CSMD1: variants seen among roughly 807,000 people sequenced by gnomAD.
CSMD1 encodes CUB and sushi domain-containing protein 1.
CSMD1 carries 213 observed loss-of-function variants against 417.5 expected under a neutral mutation model. That is an observed-to-expected ratio of 0.51 (90% CI 0.46 to 0.57). CSMD1 has a LOEUF of 0.57. CSMD1 is among the 20% of genes least tolerant of loss of function. The pLI is 0.00. For missense variants in CSMD1, 6,923 were observed against 4,529.7 expected (o/e 1.53, Z -15.17); for synonymous variants, 2,862 against 1,736.8 (o/e 1.65, Z -16.11).
intron 3 of CSMD1, among the ~76,000 whole-genome samples, chr8:4,086,476 G>A (rs1047354562): frequency 3.9e-5 from 6 of 152,138 alleles, no homozygotes; most frequent in African/African-American, 1.4e-4. Flanking sequence ...AATTCGTTCT[G>A]ACTGTACATT....
chr8:4,109,039 T>G (rs910110501), intron 3 of CSMD1, among the ~76,000 whole-genome samples: 1 of 152,212 alleles, frequency 6.6e-6, no homozygotes, highest in Non-Finnish European at 1.5e-5. Flanking sequence ...CTACAGATGC[T>G]CAAGTCCGTC....
intron 1 of CSMD1, among the ~76,000 whole-genome samples, chr8:4,930,475 A>C (rs770863899): frequency 6.6e-6 from 1 of 152,160 alleles, no homozygotes; most frequent in Non-Finnish European, 1.5e-5. Context: ...TAGTTTACTC[A>C]GCACAGCTGT....
At chr8:4,768,675 G>C (rs1796446643) in intron 1 of CSMD1, among the ~76,000 whole-genome samples, 1 of 152,290 alleles carries the variant, frequency 6.6e-6, no homozygotes, top group Non-Finnish European at 1.5e-5. Flanking sequence ...GGGAGGGAAA[G>C]GTGTTGGCGT....
intron 1 of CSMD1, among the ~76,000 whole-genome samples, chr8:4,978,123 A>T (rs1193864701): frequency 6.6e-6 from 1 of 152,188 alleles, no homozygotes; most frequent in Admixed American, 6.5e-5. Flanking sequence ...CCTATTCCAA[A>T]GGTCTCAGTC....
chr8:4,703,777 G>T (rs1326841601), intron 1 of CSMD1, among the ~76,000 whole-genome samples: 2 of 152,050 alleles, frequency 1.3e-5, no homozygotes, highest in Non-Finnish European at 2.9e-5. Flanking sequence ...AAAAGCATTG[G>T]GATACGAAGA....
At chr8:4,951,542 A>G (rs1307830658) in intron 1 of CSMD1, among the ~76,000 whole-genome samples, 1 of 150,618 alleles carries the variant, frequency 6.6e-6, no homozygotes, top group East Asian at 2.0e-4. Flanking sequence ...AAAAGAAAAG[A>G]AAAGAAAAAA....
chr8:3,872,345 G>A (rs796374757), intron 5 of CSMD1, among the ~76,000 whole-genome samples: 26 of 152,264 alleles, frequency 1.7e-4, no homozygotes, highest in African/African-American at 6.0e-4. Flanking sequence ...CCCCGGCAAA[G>A]TGCCAGGTGC....
At chr8:3,078,887 T>C (rs115673151) in intron 49 of CSMD1, among the ~76,000 whole-genome samples, 4,645 of 152,168 alleles carry the variant, frequency 0.031, 92 homozygotes, top group African/African-American at 0.06. Flanking sequence ...TGCATGCGAG[T>C]TCCTTTTTTG....
chr8:3,112,630 G>C (rs147974552), intron 42 of CSMD1, among the ~76,000 whole-genome samples: 29 of 152,302 alleles, frequency 1.9e-4, no homozygotes, highest in Non-Finnish European at 3.4e-4. Context: ...TTATGTACCA[G>C]TAAGGGTGCC....
intron 29 of CSMD1, among the ~76,000 whole-genome samples, chr8:3,216,069 A>T (rs1033011457): frequency 1.5e-4 from 23 of 149,280 alleles, no homozygotes; most frequent in Admixed American, 5.4e-4. Flanking sequence ...TATATATATA[A>T]GTTTTCTCAT....
At chr8:3,016,545 C>G (rs1808850689) in intron 52 of CSMD1, among the ~76,000 whole-genome samples, 1 of 152,290 alleles carries the variant, frequency 6.6e-6, no homozygotes, top group African/African-American at 2.4e-5. Context: ...GCTGCAAAAA[C>G]TATATTTATT....
At chr8:4,471,079 T>C (rs890398176) in intron 2 of CSMD1, among the ~76,000 whole-genome samples, 3 of 152,190 alleles carry the variant, frequency 2.0e-5, no homozygotes, top group Non-Finnish European at 4.4e-5. Context: ...GTTAAAATCT[T>C]TGACATATTT....
intron 1 of CSMD1, among the ~76,000 whole-genome samples, chr8:4,879,074 G>C (rs1803231289): frequency 1.3e-5 from 2 of 151,992 alleles, no homozygotes; most frequent in South Asian, 4.1e-4. Context: ...TGATATTGTA[G>C]ACACTAAGTA....
intron 21 of CSMD1, among the ~76,000 whole-genome samples, chr8:3,356,287 A>C (rs924876764): frequency 6.6e-6 from 1 of 152,232 alleles, no homozygotes; most frequent in Non-Finnish European, 1.5e-5. Context: ...GAACCTTGTG[A>C]GGAAAGCAAT....
intron 1 of CSMD1, among the ~76,000 whole-genome samples, chr8:4,767,139 G>T (rs75309279): frequency 1.3e-5 from 2 of 152,076 alleles, no homozygotes; most frequent in East Asian, 1.9e-4. Flanking sequence ...CGATGCAGTG[G>T]GTTAATAACA....
intron 60 of CSMD1, among the ~76,000 whole-genome samples, chr8:2,962,998 T>A (rs1287180220): frequency 6.6e-6 from 1 of 152,126 alleles, no homozygotes; most frequent in Admixed American, 6.5e-5. Flanking sequence ...CAGGGAGCTA[T>A]GATTGAACCA....
At chr8:3,952,584 A>T (rs758663580) in intron 5 of CSMD1, among the ~76,000 whole-genome samples, 2 of 152,210 alleles carry the variant, frequency 1.3e-5, no homozygotes, top group Non-Finnish European at 2.9e-5. Context: ...ATCAGCAGTC[A>T]CCAAGAGACA....
At chr8:4,565,971 A>C (rs1798587511) in intron 2 of CSMD1, among the ~76,000 whole-genome samples, 1 of 151,738 alleles carries the variant, frequency 6.6e-6, no homozygotes, top group Non-Finnish European at 1.5e-5. Flanking sequence ...TCTCAGTATA[A>C]TCTATATTTG....
At chr8:3,619,823 T>C (rs532302895) in intron 7 of CSMD1, among the ~76,000 whole-genome samples, 1 of 152,318 alleles carries the variant, frequency 6.6e-6, no homozygotes, top group South Asian at 2.1e-4. Context: ...CACAACGTAA[T>C]ATATTCAATA....
Sources: gnomAD v4.1 joint callset for allele counts (sites outside exome capture counted in the v4.1 genomes callset) on GRCh38, gnomAD v4.1.1 for gene constraint, MANE v1.5 for transcripts, NCBI Gene and HGNC (gene_info 2026-07-23, HGNC 2026-07-21) for gene names.